PCM1: variants seen among roughly 807,000 people sequenced by gnomAD.
The protein encoded by PCM1 is pericentriolar material 1 protein.
Under a neutral mutation model 241.9 loss-of-function variants are expected in PCM1, and 157 were observed. The observed-to-expected ratio is 0.65, with a 90% CI of 0.57 to 0.74. The LOEUF is 0.74. Among genes scored for constraint, PCM1 ranks in the 30% least tolerant of loss-of-function variants. The pLI is 0.00. For missense variants in PCM1, 3,478 were observed against 2,360.1 expected (o/e 1.47, Z -9.81); for synonymous variants, 1,085 against 784.9 (o/e 1.38, Z -6.39).
intron 34 of PCM1, among the ~76,000 whole-genome samples, chr8:18,012,055 A>G (rs1288029653): frequency 6.6e-6 from 1 of 152,092 alleles, no homozygotes; most frequent in Non-Finnish European, 1.5e-5. Context: ...CAGTGGTGTA[A>G]TTGTAGCTCA....
At chr8:18,001,063 G>T (rs956603650) in intron 29 of PCM1, among the ~76,000 whole-genome samples, 6 of 152,212 alleles carry the variant, frequency 3.9e-5, no homozygotes, top group Non-Finnish European at 8.8e-5. Flanking sequence ...CAGGGCATTT[G>T]ATTTGAGAAT....
In PCM1 at chr8:17,993,496, T is replaced by G. The variant is rs1326772875; in HGVS notation, c.4704T>G (p.Ile1568Met). Residue 1568 changes from isoleucine to methionine, a missense_variant, in exon 29 of 39, where the codon ATT (isoleucine) becomes ATG (methionine). Ile to Met is a conservative substitution (Grantham distance 10). Transcript: ENST00000325083. Reference sequence around the variant, plus strand: ...TTTAAAAATTAGAAACTCCCGTTATTGAAAATCGTAGTTCACAACAACCTG... The same window carrying G: ...TTTAAAAATTAGAAACTCCCGTTATGGAAAATCGTAGTTCACAACAACCTG... ...TVNNLEETPV[I>M]ENRSSQQPVS... The G allele has an allele frequency of 1.9e-6, 3 of 1,567,850 alleles. No homozygotes were observed. The highest frequency in any genetic ancestry group is 2.7e-5 in the African/African-American group (2 of 73,456).
In PCM1 at chr8:17,962,187, G is replaced by T; in HGVS notation, c.2463+13G>T. On this transcript the variant is annotated intron_variant, in intron 16 of 38. Transcript: ENST00000325083. Reference sequence around the variant, plus strand: ...AGTAGATAATGAGGTATTGTAAATTGTACTCTCTTGTTCCTGAGTTAGTCT... The same window carrying T: ...AGTAGATAATGAGGTATTGTAAATTTTACTCTCTTGTTCCTGAGTTAGTCT... 6 of 1,589,562 alleles carry T rather than the reference G, an allele frequency of 3.8e-6. No individual in the cohort carries two copies. The highest frequency in any genetic ancestry group is 4.3e-6 in the Non-Finnish European group (5 of 1,165,888).
chr8:17,985,595 A>G lies in PCM1; in HGVS notation c.4257A>G (p.Arg1419=), dbSNP rs760570233. 1.0e-5 allele frequency: 16 copies of G among 1,607,648 alleles called. No homozygotes were observed. Among genetic ancestry groups the G allele is most frequent in the Middle Eastern group, 1.7e-4 (1 of 6,056 alleles). The change falls in exon 25 of 39, where the codon AGA becomes AGG. Residue 1419 remains arginine, a synonymous_variant. Transcript: ENST00000325083. ...ELQLLNTDYL[R]QRALYALQDI... ...AGCTACTAAACACAGACTACTTGAG[A>G]CAGAGGGCTTTATATGCATTGCAGG...
chr8:17,977,721 G>T (rs942454760), intron 23 of PCM1, among the ~76,000 whole-genome samples: 2 of 152,182 alleles, frequency 1.3e-5, no homozygotes, highest in African/African-American at 2.4e-5. Flanking sequence ...GTACATGGGA[G>T]AGCATTAGTC....
rs576501361 is a variant in PCM1 at position 18,009,743 on chromosome 8, A to C, written c.5159A>C (p.Glu1720Ala). Residue 1720 changes from glutamate to alanine, a missense_variant and splice_region_variant, in exon 31 of 39, where the codon GAG becomes GCG. Physicochemically the swap from Glu to Ala is moderately radical, Grantham distance 107 (BLOSUM62 -1). Transcript: ENST00000325083. ...GGAGTGATACAATCTTGTGCCAAAG[A>C]GGTAAATAACGTTCATTTTGATTTT... ...ATGVIQSCAK[E>A]AKRILEDHGS... 7.0e-7 allele frequency: 1 copy of C among 1,433,434 alleles called. No homozygotes were observed. Among genetic ancestry groups the C allele is most frequent in the African/African-American group, 1.4e-5 (1 of 70,174 alleles). 88.8% of individuals were successfully genotyped at this position (1,433,434 alleles called of 1,614,324 possible).
In PCM1 at chr8:18,013,972, A is replaced by G. The variant is rs756130479; in HGVS notation, c.5520A>G (p.Gln1840=). Residue 1840 remains glutamine, a synonymous_variant, in exon 35 of 39, where the codon CAA becomes CAG. Transcript: ENST00000325083. The part of the protein sequence containing the change: ...EENEHDEQVL[Q]RDFKKTAESK... Reference sequence around the variant, plus strand: ...ACATTTTTCCCTTCTAGGTCCTACAACGTGACTTTAAAAAGACAGCAGAAA... The same window carrying G: ...ACATTTTTCCCTTCTAGGTCCTACAGCGTGACTTTAAAAAGACAGCAGAAA... The G allele has an allele frequency of 4.4e-6, 7 of 1,599,886 alleles. No individual in the cohort carries two copies. The highest frequency in any genetic ancestry group is 1.1e-5 in the South Asian group (1 of 88,204).
intron 9 of PCM1, 71 bp from the exon 10 acceptor site, chr8:17,955,399 A>G (rs527514598): frequency 3.8e-6 from 4 of 1,050,102 alleles, no homozygotes; most frequent in African/African-American, 1.6e-5. Flanking sequence ...TCAATATCCA[A>G]GCCAACTGTA....
At chr8:17,986,162 C>G in intron 26 of PCM1, 75 bp downstream of exon 26, 3 of 1,033,388 alleles carry the variant, frequency 2.9e-6, no homozygotes, top group East Asian at 2.7e-5. Context: ...AGATTATTGT[C>G]AAATTGTAGG....
intron 29 of PCM1, 153 bp from the exon 30 acceptor site, chr8:18,006,110 T>A: frequency 1.5e-6 from 1 of 663,864 alleles, no homozygotes; most frequent in South Asian, 2.8e-5. Flanking sequence ...GTTTGGCTTT[T>A]CTTATGAATG....
At chr8:17,928,967 C>T (rs1451950164) in intron 2 of PCM1, among the ~76,000 whole-genome samples, 1 of 152,158 alleles carries the variant, frequency 6.6e-6, no homozygotes, top group Non-Finnish European at 1.5e-5. Flanking sequence ...TGTAAACGTA[C>T]TCAAGATACT....
intron 18 of PCM1, 88 bp downstream of exon 18, chr8:17,964,856 C>T: frequency 1.1e-6 from 1 of 921,660 alleles, no homozygotes; most frequent in East Asian, 2.4e-5. Context: ...TTCTCCAAGC[C>T]AACTGAATGT....
intron 22 of PCM1, among the ~76,000 whole-genome samples, chr8:17,970,898 T>A (rs1179650525): frequency 6.6e-6 from 1 of 152,176 alleles, no homozygotes; most frequent in Non-Finnish European, 1.5e-5. Flanking sequence ...ATTAAATGAC[T>A]AGAGATAAAA....
intron 21 of PCM1, 135 bp downstream of exon 21, chr8:17,967,305 C>CTTTT (rs71304948): frequency 2.6e-4 from 132 of 515,114 alleles, no homozygotes; most frequent in East Asian, 8.9e-4. Context: ...GTTACAAACT[C>CTTTT]TTTTTTTTTT....
Position 17,955,593 on chromosome 8 carries a change from C to T in PCM1, c.1412C>T (p.Ser471Phe). 2 of 1,613,736 alleles carry T rather than the reference C, an allele frequency of 1.2e-6. No homozygotes were observed. Among genetic ancestry groups the T allele is most frequent in the Non-Finnish European group, 1.7e-6 (2 of 1,179,704 alleles). ...LTSSVPYPTASLVSQNESENE... is the reference protein window; with the variant it reads ...LTSSVPYPTAFLVSQNESENE... ...TCATCTGTTCCTTATCCTACTGCTT[C>T]TCTAGTATCTCAGAATGAGAGTGAA... The change falls in exon 10 of 39, where the codon TCT becomes TTT. Residue 471 changes from serine to phenylalanine, a missense_variant. By Grantham distance (155) the Ser-to-Phe change is radical (BLOSUM62 -2). Transcript: ENST00000325083.
chr8:17,952,222 C>G (rs1279773884), intron 8 of PCM1, among the ~76,000 whole-genome samples: 3 of 83,564 alleles, frequency 3.6e-5, no homozygotes, highest in East Asian at 6.1e-4. Flanking sequence ...GACTTTGTCT[C>G]AAAAATAAAT....
chr8:17,930,322 C>G (rs1008546454), intron 2 of PCM1, among the ~76,000 whole-genome samples: 4 of 151,626 alleles, frequency 2.6e-5, no homozygotes, highest in Non-Finnish European at 5.9e-5. Context: ...CCAGGATGGT[C>G]TCGATCTCCT....
chr8:17,947,497 C>T, intron 7 of PCM1, 134 bp downstream of exon 7: 1 of 632,458 alleles, frequency 1.6e-6, no homozygotes, highest in Non-Finnish European at 2.6e-6. Flanking sequence ...GAGGCTTATA[C>T]TTTCCTGTGC....
intron 23 of PCM1, 53 bp downstream of exon 23, chr8:17,972,740 C>A: frequency 9.0e-7 from 1 of 1,113,716 alleles, no homozygotes; most frequent in Non-Finnish European, 1.2e-6. Flanking sequence ...GGTAATCTTA[C>A]TTTGACATGT....
Sources: gnomAD v4.1 joint callset for allele counts (sites outside exome capture counted in the v4.1 genomes callset) on GRCh38, gnomAD v4.1.1 for gene constraint, MANE v1.5 for transcripts, NCBI Gene and HGNC (gene_info 2026-07-23, HGNC 2026-07-21) for gene names.